The following PKP2 variants were observed in gnomAD, a reference collection of about 807,000 sequenced individuals.
PKP2 encodes the protein plakophilin 2, also known as plakophilin-2.
PKP2 carries 73 observed loss-of-function variants against 83.4 expected under a neutral mutation model. The observed-to-expected ratio is 0.88, with a 90% CI of 0.72 to 1.06. The LOEUF is 1.06. PKP2 is among the 50% of genes least tolerant of loss of function. The pLI is 0.00. For missense variants in PKP2, 966 were observed against 1,065.4 expected (o/e 0.91, Z 1.30); for synonymous variants, 409 against 430.4 (o/e 0.95, Z 0.62).
intron 5 of PKP2, among the ~76,000 whole-genome samples, chr12:32,844,534 T>C (rs1482072630): frequency 6.6e-6 from 1 of 152,166 alleles, no homozygotes; most frequent in Admixed American, 6.6e-5. Flanking sequence ...TCATTTTCCA[T>C]GACTAGAGGA....
At chr12:32,846,628 C>T (rs1454218612) in intron 5 of PKP2, among the ~76,000 whole-genome samples, 2 of 151,858 alleles carry the variant, frequency 1.3e-5, no homozygotes, top group African/African-American at 2.4e-5. Flanking sequence ...GCCTGTAATC[C>T]CAGCTACTTG....
intron 9 of PKP2, among the ~76,000 whole-genome samples, chr12:32,805,059 T>C (rs1956215601): frequency 6.6e-6 from 1 of 152,184 alleles, no homozygotes; most frequent in Admixed American, 6.5e-5. Flanking sequence ...ATCAGTGATG[T>C]TGAGCTTTTT....
At chr12:32,799,383 T>A (rs1956158783) in intron 10 of PKP2, among the ~76,000 whole-genome samples, 1 of 152,218 alleles carries the variant, frequency 6.6e-6, no homozygotes, top group Non-Finnish European at 1.5e-5. Flanking sequence ...TAGAGATTCC[T>A]TAAAGAACTA....
At chr12:32,818,182 G>C (rs1956337595) in intron 9 of PKP2, among the ~76,000 whole-genome samples, 1 of 152,186 alleles carries the variant, frequency 6.6e-6, no homozygotes, top group Non-Finnish European at 1.5e-5. Context: ...GTTTATTTCA[G>C]GCTGGGTGCA....
At chr12:32,803,591 A>G (rs1956201319) in intron 9 of PKP2, among the ~76,000 whole-genome samples, 1 of 152,122 alleles carries the variant, frequency 6.6e-6, no homozygotes, top group Non-Finnish European at 1.5e-5. Context: ...AATACAAGTA[A>G]TCTCTTCTTT....
At chr12:32,834,840 C>T (rs1311014218) in intron 6 of PKP2, among the ~76,000 whole-genome samples, 1 of 151,844 alleles carries the variant, frequency 6.6e-6, no homozygotes, top group Non-Finnish European at 1.5e-5. Flanking sequence ...ATTGATGCTA[C>T]ATCCAGGGGT....
Position 32,791,426 on chromosome 12 carries a change from A to C in PKP2, c.*998T>G, listed in dbSNP as rs967866411. On this transcript the variant is annotated 3_prime_UTR_variant, in exon 13 of 13. Transcript: ENST00000340811. The stretch of plus-strand genomic sequence containing the variant: ...GCAAGGCTGGGCTGGCTGATAATGT[A>C]ACTCATTAACATGAGCCGTATTTTC... 8.5e-5 allele frequency: 13 copies of C among 152,202 alleles called. No homozygotes were observed. Among genetic ancestry groups the C allele is most frequent in the African/African-American group, 3.1e-4 (13 of 41,446 alleles). The allele number at this position is 152,202 out of a possible 1,614,324, so 9.4% of individuals were successfully genotyped here.
intron 4 of PKP2, among the ~76,000 whole-genome samples, chr12:32,852,726 G>T (rs1956711232): frequency 1.3e-5 from 2 of 152,174 alleles, no homozygotes; most frequent in Non-Finnish European, 2.9e-5. Context: ...ACAAGAGACA[G>T]ATGGGAGAGT....
rs964117616 is a variant in PKP2, at chr12:32,797,164, G to T, written c.2168-866C>A. Among the ~76,000 whole-genome samples the T allele has an allele frequency of 4.6e-5, 7 of 152,102 alleles. 1 individual carries two copies. In the South Asian group the frequency reaches 1.2e-3, roughly 27 times the overall value. On this transcript the variant is annotated intron_variant, in intron 10 of 12. Coordinates refer to ENST00000340811, the MANE Select transcript of PKP2 (RefSeq NM_001005242.3). Reference sequence around the variant, plus strand: ...AATAATACATAATATTATTGGCCAGGTTCGGTGGCTCACACCTGTAATCCC... The same window carrying T: ...AATAATACATAATATTATTGGCCAGTTTCGGTGGCTCACACCTGTAATCCC...
At chr12:32,855,592 T>C (rs868151996) in intron 4 of PKP2, among the ~76,000 whole-genome samples, 28 of 152,064 alleles carry the variant, frequency 1.8e-4, no homozygotes, top group Middle Eastern at 3.4e-3. Context: ...CTGGCCAACA[T>C]AGTGAAACCC....
chr12:32,824,444 T>G (rs1391994393), intron 6 of PKP2: 3 of 405,964 alleles, frequency 7.4e-6, no homozygotes, highest in Non-Finnish European at 1.4e-5. Context: ...CACTCCATTT[T>G]GAGTGTGGAT....
At chr12:32,793,814 C>T (rs531119535) in intron 11 of PKP2, among the ~76,000 whole-genome samples, 1 of 151,934 alleles carries the variant, frequency 6.6e-6, no homozygotes, top group African/African-American at 2.4e-5. Context: ...CCAGGGTGGT[C>T]TCGATCTCCT....
chr12:32,821,629 C>T, intron 8 of PKP2, 100 bp from the exon 9 acceptor site: 1 of 1,127,510 alleles, frequency 8.9e-7, no homozygotes, highest in Non-Finnish European at 1.3e-6. Context: ...TAGAAAGGCT[C>T]ATAATTTGCA....
At chr12:32,830,659 C>A (rs1458885491) in intron 6 of PKP2, among the ~76,000 whole-genome samples, 1 of 152,134 alleles carries the variant, frequency 6.6e-6, no homozygotes, top group Non-Finnish European at 1.5e-5. Context: ...GTAATCCCAG[C>A]ACTTTGGGAG....
rs185586772 is a variant in PKP2 at position 32,836,987 on chromosome 12, C to T, written c.1556+4041G>A. On this transcript the variant is annotated intron_variant, in intron 6 of 12. Transcript: ENST00000340811. The stretch of plus-strand genomic sequence containing the variant: ...ATTTACCCTGAAGTTGTCTACAATG[C>T]CATCTCCTACCTTGGAAAGGTGTCC... 2.0e-4 allele frequency among the ~76,000 whole-genome samples: 30 copies of T among 152,302 alleles called. No individual in the cohort carries two copies. In the East Asian group the frequency reaches 2.1e-3, roughly 11 times the overall value.
At position 32,878,057 on chromosome 12, in the gene PKP2, C is replaced by T; in HGVS notation, c.823G>A (p.Val275Met). Residue 275 changes from valine (V) to methionine (M), a missense_variant, in exon 3 of 13, where the codon GTG becomes ATG. Physicochemically the swap from Val to Met is conservative, Grantham distance 21. Coordinates refer to ENST00000340811, the MANE Select transcript of PKP2 (RefSeq NM_001005242.3). ...GLTVGQVRPL[V>M]PLQPVTQNRA... Reference sequence around the variant, plus strand: ...TTCTGAGTGACGGGCTGCAGGGGCACCAGCGGCCTGACCTGCCCGACAGTG... The same window carrying T: ...TTCTGAGTGACGGGCTGCAGGGGCATCAGCGGCCTGACCTGCCCGACAGTG... The T allele has an allele frequency of 4.3e-6, 7 of 1,614,010 alleles. No individual in the cohort carries two copies. The highest frequency in any genetic ancestry group is 5.1e-6 in the Non-Finnish European group (6 of 1,180,044).
chr12:32,819,758 C>T (rs931998787), intron 9 of PKP2, among the ~76,000 whole-genome samples: 1 of 151,814 alleles, frequency 6.6e-6, no homozygotes, highest in Non-Finnish European at 1.5e-5. Flanking sequence ...ATGAAAGCAC[C>T]CCTGGTCTGG....
intron 1 of PKP2, among the ~76,000 whole-genome samples, chr12:32,890,680 C>T (rs193209483): frequency 2.0e-5 from 3 of 152,106 alleles, no homozygotes; most frequent in East Asian, 1.9e-4. Flanking sequence ...ATACACAGGC[C>T]GGGTGCGGTG....
intron 4 of PKP2, among the ~76,000 whole-genome samples, chr12:32,855,971 T>G (rs1017767424): frequency 2.6e-5 from 4 of 152,058 alleles, no homozygotes; most frequent in African/African-American, 9.7e-5. Flanking sequence ...AAATTTTTTT[T>G]TGTGGGGACA....
Sources: gnomAD v4.1 joint callset for allele counts (sites outside exome capture counted in the v4.1 genomes callset) on GRCh38, gnomAD v4.1.1 for gene constraint, MANE v1.5 for transcripts, NCBI Gene and HGNC (gene_info 2026-07-23, HGNC 2026-07-21) for gene names.